RP1: variants seen among roughly 807,000 people sequenced by gnomAD.
RP1 encodes the protein oxygen-regulated protein 1.
A neutral mutation model predicts 14.8 loss-of-function variants in RP1; 16 were observed. That is an observed-to-expected ratio of 1.08 (90% CI 0.73 to 1.65). The LOEUF (loss-of-function observed/expected upper bound fraction) is 1.65. RP1 is among the 40% of genes most tolerant of loss of function. The pLI, the probability that RP1 is intolerant of heterozygous loss-of-function variation, is 0.00. For missense variants in RP1, 2,631 were observed against 2,535.0 expected, an observed-to-expected ratio of 1.04 and a Z score of -0.81; for synonymous variants, 876 against 883.6, an observed-to-expected ratio of 0.99 and a Z score of 0.15.
intron 24 of RP1, among the ~76,000 whole-genome samples, chr8:54,823,697 T>C (rs57889664): frequency 0.32 from 47,920 of 152,042 alleles, 7,708 homozygotes; most frequent in South Asian, 0.37. Flanking sequence ...TCTGACCATT[T>C]ACCTATTGAA....
At chr8:54,655,728 G>T (rs911926039) in intron 5 of RP1, among the ~76,000 whole-genome samples, 4 of 152,116 alleles carry the variant, frequency 2.6e-5, no homozygotes, top group Non-Finnish European at 2.9e-5. Context: ...ACTAGAAATA[G>T]AAAATTTATC....
intron 24 of RP1, chr8:54,783,785 A>G: frequency 9.7e-7 from 1 of 1,032,920 alleles, no homozygotes; most frequent in Non-Finnish European, 1.2e-6. Flanking sequence ...AATGGAGTGT[A>G]ATTTTTTGTT....
At chr8:54,571,296 T>A (rs1467564037) in intron 1 of RP1, among the ~76,000 whole-genome samples, 1 of 152,232 alleles carries the variant, frequency 6.6e-6, no homozygotes, top group Non-Finnish European at 1.5e-5. Context: ...ACAGCACACA[T>A]CACACTTGCA....
chr8:54,569,500 C>A (rs909162814), intron 1 of RP1, among the ~76,000 whole-genome samples: 1 of 152,200 alleles, frequency 6.6e-6, no homozygotes. Context: ...GTAAGATGAA[C>A]AAAGTGGCAT....
At chr8:54,786,069 T>TC (rs1215565270) in intron 24 of RP1, among the ~76,000 whole-genome samples, 2 of 152,120 alleles carry the variant, frequency 1.3e-5, no homozygotes, top group African/African-American at 4.8e-5. Context: ...CAATTTTTTC[T>TC]CCCGTTTTTT....
intron 23 of RP1, among the ~76,000 whole-genome samples, chr8:54,777,306 C>T (rs532338982): frequency 5.3e-5 from 8 of 152,276 alleles, no homozygotes; most frequent in African/African-American, 1.2e-4. Flanking sequence ...ACTTCCCACC[C>T]GGTTGGCTGA....
At chr8:54,583,372 C>G (rs1047634474) in intron 1 of RP1, among the ~76,000 whole-genome samples, 3 of 152,086 alleles carry the variant, frequency 2.0e-5, no homozygotes, top group Admixed American at 2.0e-4. Flanking sequence ...GGTGGATAAG[C>G]TTTTTGATGT....
In RP1 at chr8:54,750,764, G is replaced by A. The variant is rs558054661; in HGVS notation, c.2809-4039G>A. On this transcript the variant is annotated intron_variant, in intron 19 of 22. Transcript: ENST00000636932. ...GTACCTAACAAGAGGATTGTAAAAT[G>A]CACCAATCAGTGCCCTGCACAACTC... Among the ~76,000 whole-genome samples the A allele has an allele frequency of 3.9e-5, 6 of 152,108 alleles. No homozygotes were observed. The South Asian group carries it at 1.2e-3, about 32-fold the overall frequency.
intron 7 of RP1, among the ~76,000 whole-genome samples, chr8:54,667,551 T>G (rs1197652909): frequency 2.0e-5 from 3 of 152,104 alleles, no homozygotes; most frequent in Non-Finnish European, 4.4e-5. Context: ...CTGGAGAAGC[T>G]CCTGACTGTG....
chr8:54,579,185 G>T (rs1170788882), intron 1 of RP1, among the ~76,000 whole-genome samples: 14 of 152,176 alleles, frequency 9.2e-5, no homozygotes, highest in Non-Finnish European at 2.1e-4. Context: ...TCAGGGGCCT[G>T]AAGTGTCCAG....
At chr8:54,590,003 CA>C (rs751339880) in intron 1 of RP1, among the ~76,000 whole-genome samples, 2 of 152,126 alleles carry the variant, frequency 1.3e-5, no homozygotes, top group Non-Finnish European at 2.9e-5. Flanking sequence ...ATAACTCATC[CA>C]GATGACCTGC....
At chr8:54,574,604 A>G (rs983762863) in intron 1 of RP1, among the ~76,000 whole-genome samples, 1 of 152,158 alleles carries the variant, frequency 6.6e-6, no homozygotes, top group Non-Finnish European at 1.5e-5. Context: ...CAGGGATTCC[A>G]AACTTGGTCT....
chr8:54,794,137 C>T (rs977346868), intron 24 of RP1, among the ~76,000 whole-genome samples: 5 of 151,420 alleles, frequency 3.3e-5, no homozygotes, highest in Non-Finnish European at 7.4e-5. Context: ...ACATATTACC[C>T]AAAGCAATTT....
In RP1 at chr8:54,791,210, T is replaced by TAA. The variant is rs538866903; in HGVS notation, c.3615+7507_3615+7508dup. On this transcript the variant is annotated intron_variant, in intron 24 of 28. Coordinates refer to the RP1 transcript ENST00000637698. ...GAGTGGGATCATATATTCAAAATACTAAAAAAAACCTGCCAACCAAGAATA... is the reference window on the plus strand; with the variant it reads ...GAGTGGGATCATATATTCAAAATACTAAAAAAAAAACCTGCCAACCAAGAATA... Among the ~76,000 whole-genome samples, 6 of 151,666 alleles carry TAA rather than the reference T, an allele frequency of 4.0e-5. No individual in the cohort carries two copies. The South Asian group carries it at 1.3e-3, about 32-fold the overall frequency.
At chr8:54,834,193 C>T (rs1811604700) in intron 24 of RP1, among the ~76,000 whole-genome samples, 1 of 151,878 alleles carries the variant, frequency 6.6e-6, no homozygotes, top group South Asian at 2.1e-4. Flanking sequence ...TTAAGGTACC[C>T]AGAATTATTT....
At chr8:54,794,297 T>C (rs573054703) in intron 24 of RP1, among the ~76,000 whole-genome samples, 12 of 151,998 alleles carry the variant, frequency 7.9e-5, no homozygotes, top group Admixed American at 5.9e-4. Flanking sequence ...CATTGCATTA[T>C]CTGATTTCAC....
chr8:54,813,734 C>A (rs896165639), intron 24 of RP1, among the ~76,000 whole-genome samples: 4 of 152,160 alleles, frequency 2.6e-5, no homozygotes, highest in Non-Finnish European at 5.9e-5. Context: ...TGTGTCTACA[C>A]AGGGGGCGAG....
chr8:54,620,687 A>T (rs1009558707), intron 1 of RP1, among the ~76,000 whole-genome samples: 1 of 152,172 alleles, frequency 6.6e-6, no homozygotes, highest in Non-Finnish European at 1.5e-5. Context: ...GCATGGGTGT[A>T]TATGTGATAA....
intron 25 of RP1, among the ~76,000 whole-genome samples, chr8:54,841,467 A>G (rs2129404638): frequency 6.6e-6 from 1 of 152,310 alleles, no homozygotes; most frequent in South Asian, 2.1e-4. Flanking sequence ...TGAGCTGATT[A>G]ATTTTGTGAC....
Sources: gnomAD v4.1 joint callset for allele counts (sites outside exome capture counted in the v4.1 genomes callset) on GRCh38, gnomAD v4.1.1 for gene constraint, MANE v1.5 for transcripts, NCBI Gene and HGNC (gene_info 2026-07-23, HGNC 2026-07-21) for gene names.